Variants in POU6F2 observed in about 807,000 individuals in gnomAD.
POU6F2 encodes POU class 6 homeobox 2.
POU6F2 carries 31 observed loss-of-function variants against 71.3 expected under a neutral mutation model. That is an observed-to-expected ratio of 0.43 (90% CI 0.33 to 0.59). The LOEUF is 0.59. Ranked by LOEUF, POU6F2 falls within the 20% of genes least tolerant of loss-of-function variation. The probability of loss-of-function intolerance (pLI) is 0.04; values close to 1 mark genes in which losing one functional copy is unlikely to be tolerated. For missense variants in POU6F2, 783 were observed against 856.8 expected (o/e 0.91, Z 1.07); for synonymous variants, 347 against 355.7 (o/e 0.98, Z 0.27).
At chr7:39,166,560 T>G (rs1793119900) in intron 2 of POU6F2, among the ~76,000 whole-genome samples, 1 of 152,192 alleles carries the variant, frequency 6.6e-6, no homozygotes, top group Admixed American at 6.6e-5. Flanking sequence ...AAAGCCCAAG[T>G]GTCAGCCTGA....
chr7:38,998,843 T>C lies in POU6F2; in HGVS notation c.105+20785T>C, dbSNP rs577203455. On this transcript the variant is annotated intron_variant, in intron 1 of 9. Transcript: ENST00000518318. ...TTTTTTTTTTTTTTTTTTTTTTATT[T>C]TCAGTAGAGACCAGGTTTTACCATG... Among the ~76,000 whole-genome samples the C allele has an allele frequency of 1.7e-4, 25 of 143,590 alleles. No homozygotes were observed. In the East Asian group the frequency reaches 4.7e-3, roughly 27 times the overall value. 94.2% of individuals were successfully genotyped at this position (143,590 alleles called of 152,430 possible).
rs1366218994 is a variant in POU6F2, at chr7:39,116,949, G to A, written c.277+30918G>A. ...CACTAGGAAGTTCAGGGGTATATTA[G>A]GAGCCTATCGTGATTTCTCTGAAAT... On this transcript the variant is annotated intron_variant, in intron 2 of 9. Transcript: ENST00000518318. Among the ~76,000 whole-genome samples, 5 of 152,204 alleles carry A rather than the reference G, an allele frequency of 3.3e-5. No individual in the cohort carries two copies. The East Asian group carries it at 9.7e-4, about 29-fold the overall frequency.
At chr7:39,153,046 A>T (rs1411133794) in intron 2 of POU6F2, among the ~76,000 whole-genome samples, 1 of 152,192 alleles carries the variant, frequency 6.6e-6, no homozygotes, top group Non-Finnish European at 1.5e-5. Context: ...CTTGGGAAAG[A>T]AATAAGCACT....
chr7:39,115,911 C>A (rs1021276070), intron 2 of POU6F2, among the ~76,000 whole-genome samples: 1 of 152,088 alleles, frequency 6.6e-6, no homozygotes, highest in African/African-American at 2.4e-5. Context: ...TGATTATAGA[C>A]TGAATTCAAA....
At chr7:39,316,939 G>A (rs775039660) in intron 4 of POU6F2, among the ~76,000 whole-genome samples, 2 of 152,148 alleles carry the variant, frequency 1.3e-5, no homozygotes, top group South Asian at 2.1e-4. Context: ...TGAAAAGTGA[G>A]GGGCAAAATC....
At chr7:39,150,333 T>C (rs1342250674) in intron 2 of POU6F2, among the ~76,000 whole-genome samples, 2 of 151,566 alleles carry the variant, frequency 1.3e-5, no homozygotes, top group African/African-American at 4.9e-5. Flanking sequence ...TAGATATCTT[T>C]ACAAGGTGGT....
chr7:38,991,514 A>G (rs1311322311), intron 1 of POU6F2, among the ~76,000 whole-genome samples: 1 of 152,124 alleles, frequency 6.6e-6, no homozygotes, highest in African/African-American at 2.4e-5. Flanking sequence ...CAAAGAGGAA[A>G]AAGATCAAAT....
intron 2 of POU6F2, among the ~76,000 whole-genome samples, chr7:39,202,078 T>C (rs2128745034): frequency 6.6e-6 from 1 of 152,332 alleles, no homozygotes; most frequent in Non-Finnish European, 1.5e-5. Context: ...AACGTGGTTT[T>C]TGAGAATTAA....
At chr7:39,323,078 A>T (rs1785429282) in intron 4 of POU6F2, among the ~76,000 whole-genome samples, 1 of 152,072 alleles carries the variant, frequency 6.6e-6, no homozygotes. Flanking sequence ...CATCTGCTAT[A>T]TGCAGGTTGC....
intron 2 of POU6F2, among the ~76,000 whole-genome samples, chr7:39,200,052 C>T (rs1218520631): frequency 6.6e-6 from 1 of 152,118 alleles, no homozygotes; most frequent in East Asian, 1.9e-4. Flanking sequence ...ATGATTCCTC[C>T]CTTGCTAAGC....
intron 1 of POU6F2, chr7:39,083,672 A>C (rs1439164800): frequency 6.6e-6 from 1 of 152,212 alleles, no homozygotes; most frequent in Non-Finnish European, 1.5e-5. Context: ...CCCAGTAAAC[A>C]AAATGCAAAT....
intron 5 of POU6F2, among the ~76,000 whole-genome samples, chr7:39,389,382 T>C (rs76675827): frequency 0.019 from 2,902 of 152,314 alleles, 80 homozygotes; most frequent in East Asian, 0.1. Context: ...TTATAATTTA[T>C]AATGACTATA....
intron 4 of POU6F2, among the ~76,000 whole-genome samples, chr7:39,212,276 CA>C (rs1450814973): frequency 6.6e-6 from 1 of 152,184 alleles, no homozygotes; most frequent in Non-Finnish European, 1.5e-5. Context: ...GCAGGCTGGA[CA>C]TTGGCCTTTC....
chr7:39,344,992 G>A (rs1786000926), intron 5 of POU6F2, among the ~76,000 whole-genome samples: 1 of 151,848 alleles, frequency 6.6e-6, no homozygotes. Flanking sequence ...AGAATTTAAG[G>A]GTGTACTCAA....
At chr7:39,079,847 A>G (rs997116211) in intron 1 of POU6F2, among the ~76,000 whole-genome samples, 1 of 152,210 alleles carries the variant, frequency 6.6e-6, no homozygotes, top group Non-Finnish European at 1.5e-5. Flanking sequence ...GTGTGCATGT[A>G]TACGCTTTAT....
chr7:39,210,464 A>G (rs1310777925), intron 4 of POU6F2, among the ~76,000 whole-genome samples: 3 of 152,168 alleles, frequency 2.0e-5, no homozygotes, highest in African/African-American at 7.2e-5. Context: ...TTCAGGGATA[A>G]GTTTTCAAAT....
At chr7:39,136,378 G>T (rs1356910259) in intron 2 of POU6F2, among the ~76,000 whole-genome samples, 2 of 152,128 alleles carry the variant, frequency 1.3e-5, no homozygotes, top group Non-Finnish European at 2.9e-5. Context: ...ACCGTCTCAA[G>T]AACTAAAGGT....
chr7:39,122,251 A>G (rs147008966), intron 2 of POU6F2, among the ~76,000 whole-genome samples: 1 of 152,362 alleles, frequency 6.6e-6, no homozygotes, highest in East Asian at 1.9e-4. Context: ...AACATGGCTA[A>G]TGTGTGAAAT....
At chr7:39,327,492 C>G (rs1278159027) in intron 4 of POU6F2, among the ~76,000 whole-genome samples, 1 of 151,872 alleles carries the variant, frequency 6.6e-6, no homozygotes, top group Non-Finnish European at 1.5e-5. Flanking sequence ...AATAGGCAAA[C>G]TAGGTATGGT....
Sources: allele counts gnomAD v4.1 joint callset (sites outside exome capture counted in the v4.1 genomes callset), GRCh38; gene constraint gnomAD v4.1.1; transcripts MANE v1.5; gene names NCBI Gene and HGNC (gene_info 2026-07-23, HGNC 2026-07-21).